HCRTR2: variants seen among roughly 807,000 people sequenced by gnomAD.
HCRTR2 encodes hypocretin receptor 2, also known as orexin receptor type 2.
HCRTR2 carries 22 observed loss-of-function variants against 49.0 expected under a neutral mutation model. The ratio of observed to expected loss-of-function variants is 0.45; its 90% CI spans 0.32 to 0.64. HCRTR2 has a LOEUF of 0.64. HCRTR2 is among the 30% of genes least tolerant of loss of function. The probability of loss-of-function intolerance (pLI) is 0.04; values close to 1 mark genes in which losing one functional copy is unlikely to be tolerated. For missense variants in HCRTR2, 491 were observed against 559.4 expected, an observed-to-expected ratio of 0.88 and a Z score of 1.23; for synonymous variants, 236 against 205.3, an observed-to-expected ratio of 1.15 and a Z score of -1.28.
intron 1 of HCRTR2, among the ~76,000 whole-genome samples, chr6:55,107,285 G>A (rs1334586105): frequency 6.6e-6 from 1 of 152,000 alleles, no homozygotes; most frequent in Admixed American, 6.6e-5. Flanking sequence ...AAGGATATAT[G>A]ACTCAAAGTA....
chr6:55,192,339 A>G (rs1765329890), intron 1 of HCRTR2, among the ~76,000 whole-genome samples: 2 of 152,078 alleles, frequency 1.3e-5, no homozygotes, highest in Non-Finnish European at 2.9e-5. Flanking sequence ...AGATTGCTTG[A>G]GCTCAGGAGT....
chr6:55,237,161 A>G (rs774435174), intron 1 of HCRTR2, among the ~76,000 whole-genome samples: 2 of 151,788 alleles, frequency 1.3e-5, no homozygotes, highest in Non-Finnish European at 2.9e-5. Context: ...TCTATTTTTT[A>G]TATTCTTTAT....
chr6:55,176,029 A>T (rs1271563650), intron 1 of HCRTR2, among the ~76,000 whole-genome samples: 1 of 152,198 alleles, frequency 6.6e-6, no homozygotes, highest in East Asian at 1.9e-4. Context: ...TCAAAAGCAA[A>T]GAACTTGTAG....
intron 4 of HCRTR2, among the ~76,000 whole-genome samples, chr6:55,265,900 A>G (rs1766851674): frequency 6.6e-6 from 1 of 152,052 alleles, no homozygotes; most frequent in South Asian, 2.1e-4. Context: ...CAAGGGAGAG[A>G]ACACCGTCGT....
intron 1 of HCRTR2, among the ~76,000 whole-genome samples, chr6:55,176,953 C>T (rs374034122): frequency 3.9e-5 from 6 of 152,228 alleles, no homozygotes; most frequent in East Asian, 3.9e-4. Flanking sequence ...TTTTAATTTT[C>T]GGCTGAATCT....
chr6:55,110,311 A>T (rs1216512663), intron 1 of HCRTR2, among the ~76,000 whole-genome samples: 2 of 151,996 alleles, frequency 1.3e-5, no homozygotes, highest in East Asian at 3.9e-4. Context: ...TAACACAACA[A>T]CAACAACAAA....
At chr6:55,167,179 GA>G (rs929125530) in intron 1 of HCRTR2, among the ~76,000 whole-genome samples, 5 of 152,130 alleles carry the variant, frequency 3.3e-5, no homozygotes, top group South Asian at 2.1e-4. Flanking sequence ...AATTAGAAAA[GA>G]AAAAAATCTT....
At chr6:55,130,996 A>C (rs2127246234) in intron 1 of HCRTR2, among the ~76,000 whole-genome samples, 1 of 151,992 alleles carries the variant, frequency 6.6e-6, no homozygotes, top group Non-Finnish European at 1.5e-5. Flanking sequence ...GAATTTCAAA[A>C]GGAAAAACAA....
rs569686103 is a variant in HCRTR2, at chr6:55,180,186, T to A, written c.223+5376T>A. 2.1e-4 allele frequency among the ~76,000 whole-genome samples: 32 copies of A among 152,340 alleles called. No homozygotes were observed. The South Asian group carries it at 5.2e-3, about 25-fold the overall frequency. On this transcript the variant is annotated intron_variant, in intron 1 of 6. Coordinates refer to ENST00000370862, the MANE Select transcript of HCRTR2 (RefSeq NM_001384272.1). ...TGAGAAGATTAATAGGTTTTACAAA[T>A]AAGAAAAATGAATTCAAAGAGCAAT...
chr6:55,163,828 G>T (rs2127263780), intron 1 of HCRTR2, among the ~76,000 whole-genome samples: 1 of 152,284 alleles, frequency 6.6e-6, no homozygotes, highest in African/African-American at 2.4e-5. Context: ...ACTATCATCA[G>T]AGTGAACAGG....
At chr6:55,154,934 C>T (rs1238251588) in intron 1 of HCRTR2, among the ~76,000 whole-genome samples, 2 of 151,622 alleles carry the variant, frequency 1.3e-5, no homozygotes, top group Non-Finnish European at 1.5e-5. Flanking sequence ...TATATAATAG[C>T]AACAAACTAT....
At chr6:55,226,711 G>GTTTTTTTTTTTTT (rs777871106) in intron 1 of HCRTR2, among the ~76,000 whole-genome samples, 4 of 74,254 alleles carry the variant, frequency 5.4e-5, no homozygotes, top group African/African-American at 1.2e-4. Flanking sequence ...AATTCCAGGT[G>GTTTTTTTTTTTTT]TTTTTTTTTT....
At chr6:55,198,513 T>C (rs931651734) in intron 1 of HCRTR2, among the ~76,000 whole-genome samples, 1 of 152,164 alleles carries the variant, frequency 6.6e-6, no homozygotes, top group African/African-American at 2.4e-5. Context: ...ATCCAAACAC[T>C]AAATTTAAAT....
intron 1 of HCRTR2, among the ~76,000 whole-genome samples, chr6:55,148,139 TTATC>T (rs1214189284): frequency 1.3e-5 from 2 of 152,130 alleles, no homozygotes; most frequent in Non-Finnish European, 2.9e-5. Flanking sequence ...ATTAGCCAAA[TTATC>T]TAATATTGAA....
At chr6:55,226,251 A>G (rs1281136885) in intron 1 of HCRTR2, among the ~76,000 whole-genome samples, 1 of 152,216 alleles carries the variant, frequency 6.6e-6, no homozygotes, top group Non-Finnish European at 1.5e-5. Flanking sequence ...ATACAAAGTA[A>G]ATAATAGTGC....
chr6:55,259,289 T>G (rs890920282), intron 3 of HCRTR2, among the ~76,000 whole-genome samples: 1 of 152,052 alleles, frequency 6.6e-6, no homozygotes, highest in African/African-American at 2.4e-5. Context: ...TTATGAGGTT[T>G]GAAAGCATAT....
intron 1 of HCRTR2, among the ~76,000 whole-genome samples, chr6:55,218,576 A>G (rs576170887): frequency 7.2e-5 from 11 of 152,350 alleles, no homozygotes; most frequent in Admixed American, 5.9e-4. Flanking sequence ...AAAGTATTCC[A>G]TGTGAATGGT....
chr6:55,107,042 T>C (rs1196931895), intron 1 of HCRTR2, among the ~76,000 whole-genome samples: 1 of 152,130 alleles, frequency 6.6e-6, no homozygotes, highest in Non-Finnish European at 1.5e-5. Flanking sequence ...CTTTTCAAGG[T>C]GATTCTGCAA....
chr6:55,142,743 T>A (rs1460525968), intron 1 of HCRTR2, among the ~76,000 whole-genome samples: 1 of 152,020 alleles, frequency 6.6e-6, no homozygotes, highest in Non-Finnish European at 1.5e-5. Context: ...ACACCGAGAT[T>A]TAATAATAAT....
Sources: allele counts gnomAD v4.1 joint callset (sites outside exome capture counted in the v4.1 genomes callset), GRCh38; gene constraint gnomAD v4.1.1; transcripts MANE v1.5; gene names NCBI Gene and HGNC (gene_info 2026-07-23, HGNC 2026-07-21).